The following ARIH2 variants were observed in gnomAD, a reference collection of about 807,000 sequenced individuals.
ARIH2 encodes the protein E3 ubiquitin-protein ligase ARIH2.
A neutral mutation model predicts 79.8 loss-of-function variants in ARIH2; 12 were observed. That is an observed-to-expected ratio of 0.15 (90% CI 0.10 to 0.24). The LOEUF (loss-of-function observed/expected upper bound fraction) is 0.24. ARIH2 is among the 10% of genes least tolerant of loss of function. ARIH2 has a pLI of 1.00. For missense variants in ARIH2, 301 were observed against 618.3 expected (o/e 0.49, Z 5.44); for synonymous variants, 224 against 213.9 (o/e 1.05, Z -0.41).
chr3:48,925,446 G>A (rs1336027556), intron 2 of ARIH2, among the ~76,000 whole-genome samples: 1 of 149,870 alleles, frequency 6.7e-6, no homozygotes, highest in Non-Finnish European at 1.5e-5. Flanking sequence ...ATGTGTTGTA[G>A]AGACATGGTC....
At chr3:48,923,500 A>C (rs971747589) in intron 2 of ARIH2, among the ~76,000 whole-genome samples, 1 of 151,004 alleles carries the variant, frequency 6.6e-6, no homozygotes, top group Non-Finnish European at 1.5e-5. Context: ...TATAGTTAAC[A>C]TATCAACTTA....
intron 7 of ARIH2, 67 bp from the exon 8 acceptor site, chr3:48,970,528 A>C (rs1311076321): frequency 1.9e-6 from 2 of 1,029,150 alleles, no homozygotes; most frequent in East Asian, 4.8e-5. Context: ...TTGAATATTC[A>C]GGGGGTTCTG....
intron 1 of ARIH2, chr3:48,919,427 C>T: frequency 3.0e-6 from 1 of 331,328 alleles, no homozygotes; most frequent in Non-Finnish European, 5.5e-6. Context: ...GCGAATATCC[C>T]GGAGCCCGCG....
In ARIH2 at chr3:48,968,531, C is replaced by T. The variant is rs766944286; in HGVS notation, c.539-3C>T. 3.6e-5 allele frequency: 58 copies of T among 1,606,814 alleles called. No individual in the cohort carries two copies. Among genetic ancestry groups the T allele is most frequent in the Middle Eastern group, 3.3e-4 (2 of 6,038 alleles). ...GCCCCATCAGGTTGTTTTTGTTCAA[C>T]AGGAGTCTCTTGCATGGCTCAGGAC... On this transcript the variant is annotated splice_region_variant and splice_polypyrimidine_tract_variant and intron_variant, in intron 6 of 15. Transcript: ENST00000356401.
chr3:48,921,447 T>C (rs1015692517), intron 1 of ARIH2: 1 of 144,922 alleles, frequency 6.9e-6, no homozygotes, highest in African/African-American at 2.6e-5. Context: ...TTTTTTTTTT[T>C]TTTTTGACAC....
chr3:48,952,272 G>C (rs1185654359), intron 3 of ARIH2, among the ~76,000 whole-genome samples: 1 of 152,156 alleles, frequency 6.6e-6, no homozygotes, highest in Non-Finnish European at 1.5e-5. Context: ...ACAGTTAAGA[G>C]AAACATATGG....
chr3:48,939,546 A>G (rs981630865), intron 3 of ARIH2, among the ~76,000 whole-genome samples: 2 of 149,562 alleles, frequency 1.3e-5, no homozygotes, highest in African/African-American at 4.9e-5. Flanking sequence ...TCATGAGGTC[A>G]GGAGATAGAG....
rs1334620108 is a variant in ARIH2 at position 48,927,504 on chromosome 3, G to A, written c.-55G>A. ...GCATTTGAGAAAGCGGTAGTTTTGG[G>A]GGGAGGGGGAAAAAGCAACTGCTTT... On this transcript the variant is annotated 5_prime_UTR_variant, in exon 3 of 16. Transcript: ENST00000356401. 6.3e-7 allele frequency: 1 copy of A among 1,583,556 alleles called. No individual in the cohort carries two copies. The highest frequency in any genetic ancestry group is 8.6e-7 in the Non-Finnish European group (1 of 1,167,084).
At position 48,976,289 on chromosome 3, in the gene ARIH2, A is replaced by G. The variant is rs577167133; in HGVS notation, c.961+1310A>G. Among the ~76,000 whole-genome samples, 6 of 148,714 alleles carry G rather than the reference A, an allele frequency of 4.0e-5. No homozygotes were observed. The East Asian group carries it at 1.0e-3, about 25-fold the overall frequency. On this transcript the variant is annotated intron_variant, in intron 11 of 15. Coordinates refer to ENST00000356401, the MANE Select transcript of ARIH2 (RefSeq NM_006321.4). ...AATGCAATGGTGTGATCTTGGCTCA[A>G]TGCAACATCTACCTCCTGGGTTCAA...
chr3:48,927,028 A>G (rs1315251623), intron 2 of ARIH2: 1 of 157,942 alleles, frequency 6.3e-6, no homozygotes, highest in African/African-American at 2.4e-5. Context: ...AAGTGTTCCT[A>G]TTTATGTACT....
intron 3 of ARIH2, among the ~76,000 whole-genome samples, chr3:48,940,818 T>A (rs1383404139): frequency 5.3e-5 from 7 of 130,848 alleles, no homozygotes; most frequent in African/African-American, 2.0e-4. Flanking sequence ...AATATATATA[T>A]ATATATATAT....
rs745532484 is a variant in ARIH2, at chr3:48,942,645, A to ATTTT, written c.255+14852_255+14855dup. Among the ~76,000 whole-genome samples, 2 of 104,742 alleles carry ATTTT rather than the reference A, an allele frequency of 1.9e-5. 1 individual carries two copies. The highest frequency in any genetic ancestry group is 4.0e-5 in the Non-Finnish European group (2 of 50,572). The allele number at this position is 104,742 out of a possible 152,430, so 68.7% of individuals were successfully genotyped here. ...AGGCGCCTGCCACCATGCCCGGCTA[A>ATTTT]TTTTTTTTTTTTTTTTTTTTTTTGA... On this transcript the variant is annotated intron_variant, in intron 3 of 15. Transcript: ENST00000356401.
chr3:48,967,606 G>T (rs1253557269), intron 6 of ARIH2, among the ~76,000 whole-genome samples: 1 of 152,046 alleles, frequency 6.6e-6, no homozygotes, highest in Non-Finnish European at 1.5e-5. Context: ...AGAGTTTGCT[G>T]CTATTTAGGT....
At chr3:48,961,840 G>T in intron 4 of ARIH2, among the ~76,000 whole-genome samples, 161 bp downstream of exon 4, 1 of 152,038 alleles carries the variant, frequency 6.6e-6, no homozygotes. Context: ...AATATGTTGT[G>T]AACTTTCCCC....
intron 11 of ARIH2, 77 bp downstream of exon 11, chr3:48,975,056 C>T: frequency 6.2e-7 from 1 of 1,612,218 alleles, no homozygotes; most frequent in South Asian, 1.1e-5. Flanking sequence ...TAAGTGAGTA[C>T]TTCTGCCATG....
intron 1 of ARIH2, among the ~76,000 whole-genome samples, chr3:48,921,968 A>C (rs1004698420): frequency 6.6e-6 from 1 of 152,152 alleles, no homozygotes; most frequent in African/African-American, 2.4e-5. Context: ...GTGAGATCTG[A>C]AATATTAGCA....
intron 2 of ARIH2, among the ~76,000 whole-genome samples, chr3:48,923,370 A>C (rs1445096950): frequency 6.6e-6 from 1 of 151,556 alleles, no homozygotes; most frequent in Non-Finnish European, 1.5e-5. Context: ...ACTGCATTCC[A>C]GCCAGGGTGA....
intron 8 of ARIH2, among the ~76,000 whole-genome samples, chr3:48,973,039 G>A (rs563000515): frequency 3.9e-5 from 6 of 152,332 alleles, no homozygotes; most frequent in Admixed American, 3.9e-4. Context: ...ATTTGTGCGT[G>A]TTAGAGCATG....
intron 4 of ARIH2, among the ~76,000 whole-genome samples, chr3:48,964,390 A>G (rs1576439668): frequency 1.3e-5 from 2 of 150,956 alleles, no homozygotes; most frequent in East Asian, 3.9e-4. Context: ...ATCTCAGCTC[A>G]CTGCAACCTC....
Sources: allele counts gnomAD v4.1 joint callset (sites outside exome capture counted in the v4.1 genomes callset), GRCh38; gene constraint gnomAD v4.1.1; transcripts MANE v1.5; gene names NCBI Gene and HGNC (gene_info 2026-07-23, HGNC 2026-07-21).